The following PPIL6 variants were observed in gnomAD, a reference collection of about 807,000 sequenced individuals.
PPIL6 encodes probable inactive peptidyl-prolyl cis-trans isomerase-like 6.
Under a neutral mutation model 36.8 loss-of-function variants are expected in PPIL6, and 39 were observed. The ratio of observed to expected loss-of-function variants is 1.06; its 90% confidence interval spans 0.82 to 1.38. The LOEUF is 1.38. PPIL6 is among the 40% of genes most tolerant of loss of function. The pLI is 0.00. For missense variants in PPIL6, 368 were observed against 379.1 expected (o/e 0.97, Z 0.24); for synonymous variants, 123 against 134.1 (o/e 0.92, Z 0.57).
intron 2 of PPIL6, among the ~76,000 whole-genome samples, chr6:109,435,445 G>A (rs1459803812): frequency 6.6e-6 from 1 of 151,808 alleles, no homozygotes; most frequent in Non-Finnish European, 1.5e-5. Context: ...TTATAGGCAC[G>A]CGCCACCATG....
intron 1 of PPIL6, 175 bp downstream of exon 1, chr6:109,440,281 T>A: frequency 1.3e-6 from 1 of 798,392 alleles, no homozygotes; most frequent in Non-Finnish European, 2.1e-6. Context: ...TGCCCCCCTA[T>A]ACTCTCCTCC....
intron 2 of PPIL6, 86 bp downstream of exon 2, chr6:109,436,018 T>C: frequency 1.3e-6 from 1 of 777,776 alleles, no homozygotes; most frequent in Non-Finnish European, 2.3e-6. Context: ...AAAATTACTC[T>C]TTCAGTTTTT....
At chr6:109,419,078 TGTAA>T in intron 6 of PPIL6, 105 bp downstream of exon 6, 2 of 754,514 alleles carry the variant, frequency 2.7e-6, no homozygotes, top group Non-Finnish European at 4.6e-6. Flanking sequence ...TTGCTTGTAC[TGTAA>T]GTATTGCCCC....
chr6:109,434,332 G>C (rs1419197568), intron 2 of PPIL6, among the ~76,000 whole-genome samples: 1 of 152,244 alleles, frequency 6.6e-6, no homozygotes, highest in East Asian at 1.9e-4. Flanking sequence ...AAGGTAGGAG[G>C]GTTGCTTGAA....
At chr6:109,407,197 ATAC>A (rs1772831667) in intron 6 of PPIL6, among the ~76,000 whole-genome samples, 1 of 151,418 alleles carries the variant, frequency 6.6e-6, no homozygotes, top group Admixed American at 6.6e-5. Context: ...TACACATTTG[ATAC>A]TTCTTGAGTT....
chr6:109,431,177 TAGC>T lies in PPIL6; in HGVS notation c.397_399del (p.Ala133del), dbSNP rs764529004. On this transcript the variant is annotated inframe_deletion, in exon 3 of 8. Coordinates refer to ENST00000521072, the MANE Select transcript of PPIL6 (RefSeq NM_173672.5). ...CTTGCCTTGGTGTCTCTTAAGAACT[TAGC>T]GGAAAAATCCTCAGTGAGTGCGTCA... is the stretch of plus-strand genomic sequence containing the variant. 6.2e-7 allele frequency: 1 copy of T among 1,609,924 alleles called. No homozygotes were observed. The highest frequency in any genetic ancestry group is 1.1e-5 in the South Asian group (1 of 90,032).
intron 5 of PPIL6, among the ~76,000 whole-genome samples, chr6:109,422,389 C>A (rs1773596508): frequency 6.6e-6 from 1 of 152,092 alleles, no homozygotes; most frequent in Admixed American, 6.6e-5. Context: ...TCCAGGAGTT[C>A]AGGACCAGCC....
rs570053409 is a variant in PPIL6 at position 109,430,746 on chromosome 6, C to T, written c.420+411G>A. 3.3e-5 allele frequency among the ~76,000 whole-genome samples: 5 copies of T among 152,282 alleles called. No individual in the cohort carries two copies. The East Asian group carries it at 9.7e-4, about 29-fold the overall frequency. Reference sequence around the variant, plus strand: ...GGCCTGTGTTCATGCTTTAAAATGTCACCTTTCTTCAAACAACTTTCCATT... The same window carrying T: ...GGCCTGTGTTCATGCTTTAAAATGTTACCTTTCTTCAAACAACTTTCCATT... On this transcript the variant is annotated intron_variant, in intron 3 of 7. Transcript: ENST00000521072.
intron 6 of PPIL6, chr6:109,403,134 A>C (rs1277978213): frequency 7.0e-7 from 1 of 1,434,230 alleles, no homozygotes; most frequent in African/African-American, 1.4e-5. Context: ...TATAATTTAA[A>C]TTTAAATTAA....
At chr6:109,430,772 CT>C (rs1357327416) in intron 3 of PPIL6, among the ~76,000 whole-genome samples, 1 of 152,206 alleles carries the variant, frequency 6.6e-6, no homozygotes, top group African/African-American at 2.4e-5. Flanking sequence ...ACTTTCCATT[CT>C]CTTAGCTCAG....
At chr6:109,399,181 C>A (rs564417988) in intron 7 of PPIL6, among the ~76,000 whole-genome samples, 1 of 152,166 alleles carries the variant, frequency 6.6e-6, no homozygotes, top group Non-Finnish European at 1.5e-5. Flanking sequence ...GATCTCGGCT[C>A]ACTGCAACCT....
intron 7 of PPIL6, among the ~76,000 whole-genome samples, chr6:109,397,547 C>T (rs1772351050): frequency 6.6e-6 from 1 of 152,102 alleles, no homozygotes; most frequent in Non-Finnish European, 1.5e-5. Context: ...GCTCTTTTTC[C>T]CCAGCACTGA....
intron 7 of PPIL6, among the ~76,000 whole-genome samples, chr6:109,397,389 G>GT (rs1237371084): frequency 6.6e-6 from 1 of 152,098 alleles, no homozygotes; most frequent in Non-Finnish European, 1.5e-5. Flanking sequence ...GGTGAAGGGA[G>GT]TTGGAGGGTG....
At chr6:109,411,964 T>G (rs1773031070) in intron 6 of PPIL6, among the ~76,000 whole-genome samples, 1 of 152,174 alleles carries the variant, frequency 6.6e-6, no homozygotes, top group Non-Finnish European at 1.5e-5. Context: ...GAGGCAGGAC[T>G]TGACTCCAGA....
At chr6:109,438,960 G>T (rs189869386) in intron 1 of PPIL6, among the ~76,000 whole-genome samples, 1 of 152,284 alleles carries the variant, frequency 6.6e-6, no homozygotes, top group Admixed American at 6.5e-5. Context: ...CAAATTTCGT[G>T]TCCATAATAT....
chr6:109,414,803 C>G (rs1381886006), intron 6 of PPIL6, among the ~76,000 whole-genome samples: 2 of 151,998 alleles, frequency 1.3e-5, no homozygotes, highest in African/African-American at 4.8e-5. Context: ...GTCAAAAATC[C>G]ACATATAACT....
At chr6:109,435,296 CTTTT>C (rs911840164) in intron 2 of PPIL6, among the ~76,000 whole-genome samples, 3 of 131,938 alleles carry the variant, frequency 2.3e-5, no homozygotes, top group African/African-American at 2.9e-5. Context: ...AAATGTTGCA[CTTTT>C]TTTTTTTTTT....
In PPIL6 at chr6:109,440,568, C is replaced by T. The variant is rs890017658; in HGVS notation, c.23G>A (p.Gly8Glu). 2 of 1,441,330 alleles carry T rather than the reference C, an allele frequency of 1.4e-6. No individual in the cohort carries two copies. The highest frequency in any genetic ancestry group is 1.8e-6 in the Non-Finnish European group (2 of 1,100,458). 89.3% of individuals were successfully genotyped at this position (1,441,330 alleles called of 1,614,324 possible). A position where few individuals can be genotyped will look rare whatever the true frequency, so the allele number is the denominator to read the frequency against. Residue 8 changes from glycine to glutamate, a missense_variant, in exon 1 of 8, where the codon GGG becomes GAG. Physicochemically the swap from Gly to Glu is moderately conservative, Grantham distance 98 (BLOSUM62 -2). Coordinates refer to ENST00000521072, the MANE Select transcript of PPIL6 (RefSeq NM_173672.5). ...CGAGCCGCACCTAGCGTGCGGGGGC[C>T]CGCACGGCTGCGGCCTTGCCATGGC... MARPQPCGPPHARCGSPS... is the reference protein window; with the variant it reads MARPQPCEPPHARCGSPS...
chr6:109,401,925 G>A (rs1161822949), intron 6 of PPIL6, among the ~76,000 whole-genome samples: 2 of 151,838 alleles, frequency 1.3e-5, no homozygotes, highest in East Asian at 3.9e-4. Context: ...GGGTTTCACC[G>A]TGTTTGCTAG....
Sources: gnomAD v4.1 joint callset for allele counts (sites outside exome capture counted in the v4.1 genomes callset) on GRCh38, gnomAD v4.1.1 for gene constraint, MANE v1.5 for transcripts, NCBI Gene and HGNC (gene_info 2026-07-23, HGNC 2026-07-21) for gene names.